The following NAALADL2 variants were observed in gnomAD, a reference collection of about 807,000 sequenced individuals.
The protein encoded by NAALADL2 is inactive N-acetylated-alpha-linked acidic dipeptidase-like protein 2.
NAALADL2 carries 76 observed loss-of-function variants against 87.2 expected under a neutral mutation model. That is an observed-to-expected ratio of 0.87 (90% CI 0.72 to 1.05). The LOEUF is 1.05. Ranked by LOEUF, NAALADL2 falls within the 50% of genes least tolerant of loss-of-function variation. NAALADL2 has a pLI of 0.00. For synonymous variants in NAALADL2, 354 were observed against 331.0 expected, an observed-to-expected ratio of 1.07 and a Z score of -0.75; for missense variants, 1,089 against 945.8, an observed-to-expected ratio of 1.15 and a Z score of -1.99.
At chr3:175,175,824 C>G (rs369466062) in intron 2 of NAALADL2, among the ~76,000 whole-genome samples, 1 of 152,166 alleles carries the variant, frequency 6.6e-6, no homozygotes, top group East Asian at 1.9e-4. Context: ...ATTCAGATGT[C>G]ATAATGGGAA....
intron 3 of NAALADL2, among the ~76,000 whole-genome samples, chr3:174,767,012 G>T (rs1400074682): frequency 1.3e-5 from 2 of 152,176 alleles, no homozygotes; most frequent in Admixed American, 6.5e-5. Flanking sequence ...ATTGTGTCAT[G>T]GACAACCTGT....
chr3:175,369,107 A>G (rs1441652018), intron 5 of NAALADL2, among the ~76,000 whole-genome samples: 2 of 152,198 alleles, frequency 1.3e-5, no homozygotes, highest in Non-Finnish European at 2.9e-5. Flanking sequence ...TAATGTCACA[A>G]TGAGAACAAT....
intron 5 of NAALADL2, among the ~76,000 whole-genome samples, chr3:175,408,964 T>C (rs2149083717): frequency 6.6e-6 from 1 of 151,118 alleles, no homozygotes; most frequent in East Asian, 1.9e-4. Flanking sequence ...TTTTCTTGGG[T>C]TTTATTTACA....
chr3:175,052,671 T>C (rs1755570144), intron 1 of NAALADL2, among the ~76,000 whole-genome samples: 1 of 149,192 alleles, frequency 6.7e-6, no homozygotes. Context: ...TAAATATTTG[T>C]TCTTTTAATA....
At chr3:175,423,028 A>AAAAAAAAATATATATAT (rs1438736874) in intron 5 of NAALADL2, among the ~76,000 whole-genome samples, 154 of 111,162 alleles carry the variant, frequency 1.4e-3, no homozygotes, top group Non-Finnish European at 2.0e-3. Context: ...GAAAAAAAAA[A>AAAAAAAAATATATATAT]ATATATATAT....
At chr3:174,889,953 G>A (rs73045490) in intron 1 of NAALADL2, among the ~76,000 whole-genome samples, 12,998 of 152,168 alleles carry the variant, frequency 0.085, 616 homozygotes, top group Middle Eastern at 0.12. Context: ...GTGAGTGTGT[G>A]AATTTTTCCC....
At chr3:175,152,850 T>C (rs1731740775) in intron 2 of NAALADL2, among the ~76,000 whole-genome samples, 1 of 151,804 alleles carries the variant, frequency 6.6e-6, no homozygotes, top group Non-Finnish European at 1.5e-5. Flanking sequence ...GAGGATGCAG[T>C]GAGCTGAGAT....
At chr3:174,539,075 A>G (rs1403650653) in intron 1 of NAALADL2, among the ~76,000 whole-genome samples, 2 of 152,216 alleles carry the variant, frequency 1.3e-5, no homozygotes, top group Non-Finnish European at 2.9e-5. Flanking sequence ...AAATCAACAT[A>G]AAATGCAATT....
At chr3:174,822,548 A>C (rs1199789328) in intron 3 of NAALADL2, among the ~76,000 whole-genome samples, 4 of 152,188 alleles carry the variant, frequency 2.6e-5, no homozygotes, top group African/African-American at 9.7e-5. Context: ...GAGATGGATA[A>C]CTGGACTTGG....
intron 6 of NAALADL2, among the ~76,000 whole-genome samples, chr3:175,451,809 T>C (rs1721620066): frequency 6.6e-6 from 1 of 152,084 alleles, no homozygotes; most frequent in Non-Finnish European, 1.5e-5. Context: ...TTTCCTATTA[T>C]TTCCTTATTT....
intron 2 of NAALADL2, among the ~76,000 whole-genome samples, chr3:175,130,173 G>A (rs184135927): frequency 2.0e-5 from 3 of 150,544 alleles, no homozygotes; most frequent in South Asian, 2.1e-4. Context: ...GTCTCATATC[G>A]GGTTGTATAA....
At chr3:174,926,946 G>A (rs1736138478) in intron 1 of NAALADL2, among the ~76,000 whole-genome samples, 1 of 149,910 alleles carries the variant, frequency 6.7e-6, no homozygotes, top group African/African-American at 2.5e-5. Flanking sequence ...CCAGTGTGCT[G>A]TATTCAGGAG....
chr3:174,752,997 G>A (rs1734985586), intron 3 of NAALADL2, among the ~76,000 whole-genome samples: 1 of 152,164 alleles, frequency 6.6e-6, no homozygotes, highest in African/African-American at 2.4e-5. Flanking sequence ...TAAGACTTGT[G>A]ATAGATGTAT....
rs571598273 is a variant in NAALADL2 at position 174,516,820 on chromosome 3, A to G, written c.-183-33749A>G. ...TTACAAATGACATGTCTTTATGCTA[A>G]ATGGTAAAAAAATCACACAAGTCAT... On this transcript the variant is annotated intron_variant, in intron 1 of 3. Transcript: ENST00000434257. Among the ~76,000 whole-genome samples the G allele has an allele frequency of 5.9e-5, 9 of 152,070 alleles. No individual in the cohort carries two copies. The East Asian group carries it at 1.7e-3, about 29-fold the overall frequency.
chr3:174,710,230 C>CTTTTTTTTTTTTTTTTTTTTTT (rs57899491), intron 2 of NAALADL2, among the ~76,000 whole-genome samples: 2 of 136,348 alleles, frequency 1.5e-5, no homozygotes, highest in African/African-American at 2.7e-5. Flanking sequence ...TATGAGCCTC[C>CTTTTTTTTTTTTTTTTTTTTTT]TTTTTTTTTT....
intron 2 of NAALADL2, among the ~76,000 whole-genome samples, chr3:175,207,879 T>C (rs1163428507): frequency 2.6e-5 from 4 of 152,092 alleles, no homozygotes; most frequent in African/African-American, 9.7e-5. Context: ...GACTTTGCTG[T>C]AGAGGAAAAA....
intron 10 of NAALADL2, among the ~76,000 whole-genome samples, chr3:175,620,615 A>G (rs1726080490): frequency 6.6e-6 from 1 of 152,150 alleles, no homozygotes. Flanking sequence ...CACTCCCGCA[A>G]TTCGGCGAGC....
chr3:175,322,365 G>A (rs1156286653), intron 4 of NAALADL2, among the ~76,000 whole-genome samples: 1 of 117,728 alleles, frequency 8.5e-6, no homozygotes, highest in East Asian at 2.6e-4. Context: ...TTAAACGTTA[G>A]ACCTAAAACC....
chr3:175,775,821 G>T (rs1559998011), intron 13 of NAALADL2, among the ~76,000 whole-genome samples: 1 of 152,142 alleles, frequency 6.6e-6, no homozygotes, highest in Non-Finnish European at 1.5e-5. Flanking sequence ...TCCTGGGCTA[G>T]AAGAGTTGTA....
Sources: gnomAD v4.1 joint callset for allele counts (sites outside exome capture counted in the v4.1 genomes callset) on GRCh38, gnomAD v4.1.1 for gene constraint, MANE v1.5 for transcripts, NCBI Gene and HGNC (gene_info 2026-07-23, HGNC 2026-07-21) for gene names.